ITSN1: variants seen among roughly 807,000 people sequenced by gnomAD.
ITSN1 encodes intersectin 1.
ITSN1 carries 58 observed loss-of-function variants against 239.8 expected under a neutral mutation model. That is an observed-to-expected ratio of 0.24 (90% CI 0.20 to 0.30). The LOEUF (loss-of-function observed/expected upper bound fraction) is 0.30. Ranked by LOEUF, ITSN1 falls within the 10% of genes least tolerant of loss-of-function variation. The pLI is 1.00. For synonymous variants in ITSN1, 780 were observed against 770.8 expected (o/e 1.01, Z -0.20); for missense variants, 1,558 against 2,103.3 (o/e 0.74, Z 5.07).
At chr21:33,760,318 A>G (rs774599566) in intron 8 of ITSN1, among the ~76,000 whole-genome samples, 4 of 152,142 alleles carry the variant, frequency 2.6e-5, no homozygotes, top group Non-Finnish European at 5.9e-5. Flanking sequence ...AAGAGAGGCA[A>G]ATAGGGGCAT....
chr21:33,761,491 C>A (rs1225889617), intron 8 of ITSN1, among the ~76,000 whole-genome samples: 1 of 151,956 alleles, frequency 6.6e-6, no homozygotes, highest in Non-Finnish European at 1.5e-5. Context: ...CTAAGATTCT[C>A]CGAATCTTCC....
intron 23 of ITSN1, 103 bp from the exon 24 acceptor site, chr21:33,819,138 T>G: frequency 5.0e-5 from 41 of 815,120 alleles, no homozygotes; most frequent in Non-Finnish European, 4.4e-5. Context: ...TGTGGGTCGT[T>G]TAAAGTTTTA....
At chr21:33,671,873 A>T (rs949843682) in intron 1 of ITSN1, among the ~76,000 whole-genome samples, 3 of 152,252 alleles carry the variant, frequency 2.0e-5, no homozygotes, top group Non-Finnish European at 4.4e-5. Flanking sequence ...ATTTTGTTGT[A>T]TATCCATCTT....
At position 33,865,740 on chromosome 21, in the gene ITSN1, C is replaced by T. The variant is rs1981453472; in HGVS notation, c.4074+406C>T. Among the ~76,000 whole-genome samples the T allele has an allele frequency of 6.6e-6, 1 of 152,184 alleles. No individual in the cohort carries two copies. The highest frequency in any genetic ancestry group is 1.5e-5 in the Non-Finnish European group (1 of 68,036). On this transcript the variant is annotated intron_variant, in intron 32 of 39. Transcript: ENST00000381318. This position sits in a 1 kb window ranked among gnomAD's most constrained non-coding sequence, Gnocchi z 4.4. The stretch of plus-strand genomic sequence containing the variant: ...CTTGCAGAGGGAATGGCCAGGACTC[C>T]CAGTGGCCCCTTCATTCCTTTCGCA...
intron 4 of ITSN1, among the ~76,000 whole-genome samples, chr21:33,727,711 A>G (rs2065912201): frequency 6.6e-6 from 1 of 151,940 alleles, no homozygotes; most frequent in Non-Finnish European, 1.5e-5. Context: ...GCGTTGAACT[A>G]AGATGACATC....
At chr21:33,835,091 T>C (rs2074525919) in intron 28 of ITSN1, among the ~76,000 whole-genome samples, 2 of 152,356 alleles carry the variant, frequency 1.3e-5, no homozygotes, top group Admixed American at 1.3e-4. Context: ...CATTCTTGGT[T>C]GGCTTTTGTG....
chr21:33,761,928 C>G lies in ITSN1; in HGVS notation c.730C>G (p.Gln244Glu). 5 of 1,612,948 alleles carry G rather than the reference C, an allele frequency of 3.1e-6. No homozygotes were observed. The highest frequency in any genetic ancestry group is 4.2e-6 in the Non-Finnish European group (5 of 1,178,954). Residue 244 changes from glutamine (Q) to glutamate (E), a missense_variant, in exon 9 of 40, where the codon CAA becomes GAA. Gln to Glu is a conservative substitution (Grantham distance 29). This residue lies in a region of ITSN1 where 982 missense variants were observed against 1,209.9 expected (regional missense o/e 0.81). Transcript: ENST00000381318. ...TTTTCCTGGTTCCTGTTTAGGTCCC[C>G]AAGCAAGAACTATTCTTATGCAGTC... ...KTMSGHLTGP[Q>E]ARTILMQSSL...
chr21:33,761,432 T>C (rs1436070739), intron 8 of ITSN1, among the ~76,000 whole-genome samples: 1 of 152,108 alleles, frequency 6.6e-6, no homozygotes, highest in Non-Finnish European at 1.5e-5. Flanking sequence ...TTTTTAAGTC[T>C]GTTTAGTGAA....
At chr21:33,884,496 A>G (rs1249721683) in intron 36 of ITSN1, among the ~76,000 whole-genome samples, 1 of 152,234 alleles carries the variant, frequency 6.6e-6, no homozygotes, top group Non-Finnish European at 1.5e-5. Flanking sequence ...ACACAAGGCC[A>G]GCATCATTCC....
chr21:33,814,176 G>A (rs2148221158), intron 22 of ITSN1, 104 bp downstream of exon 22: 1 of 1,264,610 alleles, frequency 7.9e-7, no homozygotes, highest in Non-Finnish European at 1.1e-6. Context: ...GCCTTGTTAT[G>A]TGTGTCTTGG....
intron 4 of ITSN1, among the ~76,000 whole-genome samples, chr21:33,731,966 C>CT (rs2066214995): frequency 6.6e-6 from 1 of 152,086 alleles, no homozygotes; most frequent in Non-Finnish European, 1.5e-5. Context: ...TTTAGGGAGA[C>CT]ATAAGACATC....
chr21:33,725,271 G>A (rs754767963), intron 4 of ITSN1, among the ~76,000 whole-genome samples: 5 of 151,396 alleles, frequency 3.3e-5, no homozygotes, highest in Non-Finnish European at 5.9e-5. Flanking sequence ...GAGTAGCTGG[G>A]ATTACAGGCG....
At chr21:33,691,205 C>A (rs971170815) in intron 1 of ITSN1, among the ~76,000 whole-genome samples, 2 of 151,914 alleles carry the variant, frequency 1.3e-5, no homozygotes, top group African/African-American at 4.8e-5. Context: ...TTCTTTGGAC[C>A]TTTACGTTTG....
At chr21:33,718,488 G>A (rs985494314) in intron 1 of ITSN1, among the ~76,000 whole-genome samples, 4 of 152,148 alleles carry the variant, frequency 2.6e-5, no homozygotes, top group Admixed American at 2.6e-4. Flanking sequence ...GTAATCTAGA[G>A]ATTATTTGAA....
chr21:33,870,371 A>C (rs1315049277), intron 33 of ITSN1, among the ~76,000 whole-genome samples: 1 of 152,194 alleles, frequency 6.6e-6, no homozygotes, highest in African/African-American at 2.4e-5. Context: ...GCATGGCCCA[A>C]ATATTTAAAA....
intron 29 of ITSN1, among the ~76,000 whole-genome samples, chr21:33,840,651 C>G (rs530546376): frequency 6.6e-6 from 1 of 151,684 alleles, no homozygotes; most frequent in Admixed American, 6.6e-5. Flanking sequence ...TGTGAGCCAC[C>G]GTGCCTGGCT....
chr21:33,670,159 G>A (rs911563370), intron 1 of ITSN1, among the ~76,000 whole-genome samples: 1 of 152,132 alleles, frequency 6.6e-6, no homozygotes, highest in Non-Finnish European at 1.5e-5. Flanking sequence ...CCCAGGACCA[G>A]CTTGGACAAC....
rs767214578 is a variant in ITSN1 at position 33,767,066 on chromosome 21, G to A, written c.927-647G>A. On this transcript the variant is annotated intron_variant, in intron 10 of 39. Transcript: ENST00000381318. ...GCCTGTAATCCCAGCTACTCGGGAG[G>A]CTGAGGCAGGAGAATCGCTTGAGCC... 6.6e-5 allele frequency among the ~76,000 whole-genome samples: 10 copies of A among 152,132 alleles called. No homozygotes were observed. In the South Asian group the frequency reaches 1.0e-3, roughly 16 times the overall value.
chr21:33,735,566 C>T, intron 5 of ITSN1: 1 of 261,850 alleles, frequency 3.8e-6, no homozygotes, highest in South Asian at 4.5e-5. Flanking sequence ...TCTGTTTCTC[C>T]TTGTGCATAA....
Sources: gnomAD v4.1 joint callset for allele counts (sites outside exome capture counted in the v4.1 genomes callset) on GRCh38, gnomAD v4.1.1 for gene constraint, gnomAD v4.1.1 regional missense constraint, Gnocchi (gnomAD v3.1) non-coding constraint, MANE v1.5 for transcripts, NCBI Gene and HGNC (gene_info 2026-07-23, HGNC 2026-07-21) for gene names.